SGCD: variants seen among roughly 807,000 people sequenced by gnomAD.
SGCD encodes the protein delta-sarcoglycan.
In SGCD, 18 loss-of-function variants were observed where a neutral mutation model predicts 36.6. The observed-to-expected ratio is 0.49, with a 90% CI of 0.34 to 0.73. SGCD has a LOEUF of 0.73. Among genes scored for constraint, SGCD ranks in the 30% least tolerant of loss-of-function variants. The pLI is 0.01. For synonymous variants in SGCD, 133 were observed against 130.6 expected (o/e 1.02, Z -0.12); for missense variants, 387 against 346.7 (o/e 1.12, Z -0.92).
chr5:155,969,671 G>A (rs1386944431), intron 1 of SGCD, among the ~76,000 whole-genome samples: 1 of 152,116 alleles, frequency 6.6e-6, no homozygotes, highest in Non-Finnish European at 1.5e-5. Context: ...ATAGCTCACT[G>A]TTTCTAAGCT....
At chr5:155,770,601 C>T in the SGCD span, among the ~76,000 whole-genome samples, 1 of 152,078 alleles carries the variant, frequency 6.6e-6, no homozygotes, top group African/African-American at 2.4e-5. Context: ...AGGGCAGTGG[C>T]GTGCTGTTGG....
At chr5:155,854,888 A>C in the SGCD span, among the ~76,000 whole-genome samples, 1 of 152,204 alleles carries the variant, frequency 6.6e-6, no homozygotes, top group African/African-American at 2.4e-5. Flanking sequence ...GCCTCAAAGC[A>C]GGTACTACTG....
At chr5:156,657,085 G>C (rs1258309755) in intron 7 of SGCD, among the ~76,000 whole-genome samples, 1 of 151,964 alleles carries the variant, frequency 6.6e-6, no homozygotes, top group African/African-American at 2.4e-5. Context: ...AATATTTATA[G>C]GCTTTCTGTG....
chr5:156,688,999 C>A (rs1327970578), intron 7 of SGCD, among the ~76,000 whole-genome samples: 1 of 152,136 alleles, frequency 6.6e-6, no homozygotes, highest in Non-Finnish European at 1.5e-5. Context: ...CCATTTACAC[C>A]TGAAAACAAG....
At chr5:156,134,899 G>A (rs1031223671) in intron 3 of SGCD, among the ~76,000 whole-genome samples, 6 of 152,106 alleles carry the variant, frequency 3.9e-5, no homozygotes, top group African/African-American at 1.4e-4. Context: ...GGACTCCCTT[G>A]AGCTGGAAGT....
intron 3 of SGCD, among the ~76,000 whole-genome samples, chr5:156,505,286 G>C (rs1756648548): frequency 6.6e-6 from 1 of 152,170 alleles, no homozygotes; most frequent in African/African-American, 2.4e-5. Flanking sequence ...TGGCAGAGCT[G>C]TCTCCATGAG....
intron 3 of SGCD, among the ~76,000 whole-genome samples, chr5:156,377,667 G>T (rs1770740142): frequency 6.6e-6 from 1 of 152,102 alleles, no homozygotes; most frequent in Non-Finnish European, 1.5e-5. Flanking sequence ...GTGTGTACTG[G>T]TGGGTTCCAG....
intron 3 of SGCD, among the ~76,000 whole-genome samples, chr5:156,162,800 C>T (rs996148165): frequency 6.6e-5 from 10 of 151,700 alleles, no homozygotes; most frequent in Non-Finnish European, 1.3e-4. Flanking sequence ...CTAAAACATT[C>T]TGCCTCCTGA....
At chr5:156,534,931 G>A (rs964584826) in intron 4 of SGCD, among the ~76,000 whole-genome samples, 5 of 152,130 alleles carry the variant, frequency 3.3e-5, no homozygotes, top group Non-Finnish European at 5.9e-5. Flanking sequence ...TGGTAGTTTG[G>A]TTACTCCTAT....
chr5:156,510,187 CA>C (rs1756870986), intron 4 of SGCD, among the ~76,000 whole-genome samples: 1 of 152,116 alleles, frequency 6.6e-6, no homozygotes, highest in East Asian at 1.9e-4. Flanking sequence ...TTTAGCCATA[CA>C]ATGATTATTT....
intron 5 of SGCD, among the ~76,000 whole-genome samples, chr5:156,592,010 A>T (rs1463592133): frequency 6.6e-6 from 1 of 152,160 alleles, no homozygotes; most frequent in African/African-American, 2.4e-5. Context: ...AGCCCTGAAA[A>T]GCAAGATAGC....
the SGCD span, among the ~76,000 whole-genome samples, chr5:155,807,910 A>G: frequency 1.3e-5 from 2 of 152,240 alleles, no homozygotes; most frequent in African/African-American, 4.8e-5. Flanking sequence ...CACTACAAAG[A>G]TAAATAATTA....
At chr5:155,852,253 G>A in the SGCD span, among the ~76,000 whole-genome samples, 4 of 152,146 alleles carry the variant, frequency 2.6e-5, no homozygotes, top group Admixed American at 2.6e-4. Flanking sequence ...AATGTGCTAT[G>A]CATGGTGTCC....
chr5:156,640,355 T>C (rs1178240403), intron 6 of SGCD, among the ~76,000 whole-genome samples: 1 of 152,186 alleles, frequency 6.6e-6, no homozygotes, highest in Admixed American at 6.5e-5. Context: ...TAAGATTTCT[T>C]TTGCTTCCCA....
chr5:156,486,922 C>T (rs1428052064), intron 3 of SGCD, among the ~76,000 whole-genome samples: 1 of 152,142 alleles, frequency 6.6e-6, no homozygotes, highest in African/African-American at 2.4e-5. Context: ...TGGTTCACTG[C>T]CCCTGTTACC....
At chr5:156,150,685 C>A (rs79374294) in intron 3 of SGCD, among the ~76,000 whole-genome samples, 2 of 151,740 alleles carry the variant, frequency 1.3e-5, no homozygotes, top group East Asian at 1.9e-4. Flanking sequence ...CCGCAGTGAT[C>A]TTTAGACTGT....
chr5:156,584,867 C>A (rs1328092606), intron 4 of SGCD, among the ~76,000 whole-genome samples: 1 of 152,114 alleles, frequency 6.6e-6, no homozygotes, highest in East Asian at 1.9e-4. Context: ...GTAATTATTT[C>A]TTTTGTTGAC....
At chr5:156,433,636 A>G (rs1228412575) in intron 3 of SGCD, among the ~76,000 whole-genome samples, 1 of 152,210 alleles carries the variant, frequency 6.6e-6, no homozygotes, top group Non-Finnish European at 1.5e-5. Context: ...TGAACAGCTA[A>G]AAGGGGCTTA....
chr5:156,556,786 A>G (rs551260294), intron 4 of SGCD, among the ~76,000 whole-genome samples: 26 of 152,198 alleles, frequency 1.7e-4, no homozygotes, highest in Middle Eastern at 3.2e-3. Context: ...ATGGACAACT[A>G]TGTAAATCAG....
Sources: allele counts gnomAD v4.1 joint callset (sites outside exome capture counted in the v4.1 genomes callset), GRCh38; gene constraint gnomAD v4.1.1; transcripts MANE v1.5; gene names NCBI Gene and HGNC (gene_info 2026-07-23, HGNC 2026-07-21).